TUBD1: variants seen among roughly 807,000 people sequenced by gnomAD.
The protein encoded by TUBD1 is tubulin delta chain.
A neutral mutation model predicts 51.2 loss-of-function variants in TUBD1; 38 were observed. The observed-to-expected ratio is 0.74, with a 90% CI of 0.57 to 0.97. The LOEUF (loss-of-function observed/expected upper bound fraction) is 0.97. Ranked by LOEUF, TUBD1 falls within the 50% of genes least tolerant of loss-of-function variation. The pLI is 0.00. For synonymous variants in TUBD1, 169 were observed against 178.2 expected (o/e 0.95, Z 0.41); for missense variants, 489 against 538.4 (o/e 0.91, Z 0.91).
chr17:59,873,300 A>C (rs1421074792), intron 6 of TUBD1, among the ~76,000 whole-genome samples: 1 of 151,668 alleles, frequency 6.6e-6, no homozygotes, highest in African/African-American at 2.4e-5. Flanking sequence ...CCCAGGCTGA[A>C]GTGCAGTTGT....
At chr17:59,872,342 G>A (rs922467745) in intron 6 of TUBD1, among the ~76,000 whole-genome samples, 21 of 152,034 alleles carry the variant, frequency 1.4e-4, no homozygotes, top group Non-Finnish European at 2.2e-4. Context: ...CGATCCTCCT[G>A]CCTTAGCCTC....
chr17:59,882,838 G>GC (rs1289845556), intron 3 of TUBD1, among the ~76,000 whole-genome samples: 1 of 151,666 alleles, frequency 6.6e-6, no homozygotes, highest in Admixed American at 6.6e-5. Flanking sequence ...AGGCTGGAGT[G>GC]CTGTGGCATG....
At chr17:59,860,670 T>C (rs1462932025) in intron 8 of TUBD1, among the ~76,000 whole-genome samples, 2 of 151,556 alleles carry the variant, frequency 1.3e-5, no homozygotes, top group Admixed American at 6.6e-5. Context: ...CACTGCAACC[T>C]CCACCTCCCA....
chr17:59,876,975 C>T (rs755694223), intron 5 of TUBD1, among the ~76,000 whole-genome samples: 5 of 151,778 alleles, frequency 3.3e-5, no homozygotes, highest in Non-Finnish European at 7.4e-5. Context: ...AATTCTCCTG[C>T]CTGTCTTCTG....
In TUBD1 at chr17:59,860,209, T is replaced by C; in HGVS notation, c.*113A>G. The C allele has an allele frequency of 1.3e-6, 1 of 756,004 alleles. No individual in the cohort carries two copies. The highest frequency in any genetic ancestry group is 2.1e-6 in the Non-Finnish European group (1 of 471,494). 46.8% of individuals were successfully genotyped at this position (756,004 alleles called of 1,614,324 possible). A position where few individuals can be genotyped will look rare whatever the true frequency, so the allele number is the denominator to read the frequency against. Reference sequence around the variant, plus strand: ...TTTTTGTATTTTCTGGTAGAGACGGTGTTTCACCGTGTTAGCCAGGATGGA... The same window carrying C: ...TTTTTGTATTTTCTGGTAGAGACGGCGTTTCACCGTGTTAGCCAGGATGGA... On this transcript the variant is annotated 3_prime_UTR_variant, in exon 9 of 9. Transcript: ENST00000325752.
intron 3 of TUBD1, chr17:59,885,680 A>T (rs925464959): frequency 3.3e-6 from 2 of 613,638 alleles, no homozygotes; most frequent in East Asian, 5.9e-5. Flanking sequence ...CAAAACAAAA[A>T]TCAGAATCTC....
At chr17:59,892,141 C>T (rs1193622069) in intron 1 of TUBD1, among the ~76,000 whole-genome samples, 1 of 152,234 alleles carries the variant, frequency 6.6e-6, no homozygotes, top group Non-Finnish European at 1.5e-5. Context: ...ATAGCTTACG[C>T]TTTCTCCACT....
intron 3 of TUBD1, among the ~76,000 whole-genome samples, chr17:59,884,209 C>G (rs910472786): frequency 7.0e-6 from 1 of 143,684 alleles, no homozygotes; most frequent in African/African-American, 2.6e-5. Flanking sequence ...TGCAGTGAGC[C>G]GAAATTGCAC....
intron 6 of TUBD1, among the ~76,000 whole-genome samples, chr17:59,870,404 A>AAAAT (rs2039928721): frequency 7.5e-6 from 1 of 132,712 alleles, no homozygotes; most frequent in Non-Finnish European, 1.6e-5. Context: ...AAAAAAAAAA[A>AAAAT]AAATCAAAGT....
At chr17:59,870,630 G>A (rs1025108911) in intron 6 of TUBD1, among the ~76,000 whole-genome samples, 1 of 151,684 alleles carries the variant, frequency 6.6e-6, no homozygotes, top group Non-Finnish European at 1.5e-5. Flanking sequence ...TCGCAGGAAA[G>A]TGTAACAGTC....
chr17:59,872,693 AATGT>A (rs1335741730), intron 6 of TUBD1, among the ~76,000 whole-genome samples: 274 of 97,974 alleles, frequency 2.8e-3, no homozygotes, highest in African/African-American at 0.011. Flanking sequence ...TGAAAATGGG[AATGT>A]GTGTGTGTGT....
At position 59,878,221 on chromosome 17, in the gene TUBD1, C is replaced by T; in HGVS notation, c.651G>A (p.Met217Ile). 13 of 1,614,048 alleles carry T rather than the reference C, an allele frequency of 8.1e-6. No individual in the cohort carries two copies. The highest frequency in any genetic ancestry group is 9.3e-6 in the Non-Finnish European group (11 of 1,180,006). ...DAIHKICAKL[M>I]NIKQISFSDI... ...CACTAAAGGAGATCTGCTTGATATTCATCAGTTTTGCACAGATCTTATGGA... is the reference window on the plus strand; with the variant it reads ...CACTAAAGGAGATCTGCTTGATATTTATCAGTTTTGCACAGATCTTATGGA... Residue 217 changes from methionine to isoleucine, a missense_variant, in exon 5 of 9, where the codon ATG becomes ATA. Transcript: ENST00000325752.
chr17:59,876,183 CTTT>C (rs58236573), intron 5 of TUBD1, among the ~76,000 whole-genome samples: 17 of 149,344 alleles, frequency 1.1e-4, no homozygotes, highest in Admixed American at 3.4e-4. Context: ...GGCATGAATT[CTTT>C]TTTTTTTCTT....
intron 6 of TUBD1, among the ~76,000 whole-genome samples, chr17:59,873,033 G>GA (rs1249999230): frequency 6.6e-6 from 1 of 151,976 alleles, no homozygotes; most frequent in African/African-American, 2.4e-5. Flanking sequence ...AAAGTGCTGG[G>GA]ATTACAGGCG....
intron 6 of TUBD1, among the ~76,000 whole-genome samples, chr17:59,873,257 GT>G (rs373205709): frequency 2.0e-5 from 3 of 147,042 alleles, no homozygotes; most frequent in African/African-American, 2.5e-5. Flanking sequence ...TTTTGTTGTT[GT>G]TTTTTTTTTG....
At chr17:59,868,038 G>A (rs1373431535) in intron 6 of TUBD1, among the ~76,000 whole-genome samples, 38 of 147,446 alleles carry the variant, frequency 2.6e-4, no homozygotes, top group Admixed American at 2.2e-3. Flanking sequence ...TGAGGCAGGC[G>A]GATCACTTGA....
intron 1 of TUBD1, among the ~76,000 whole-genome samples, chr17:59,891,530 C>G (rs1027354460): frequency 1.3e-5 from 2 of 152,138 alleles, no homozygotes; most frequent in African/African-American, 2.4e-5. Context: ...AGTTCTCATA[C>G]TCTCTACATG....
At chr17:59,861,009 T>C (rs757119446) in intron 8 of TUBD1, among the ~76,000 whole-genome samples, 1 of 152,004 alleles carries the variant, frequency 6.6e-6, no homozygotes, top group South Asian at 2.1e-4. Context: ...TATATATATA[T>C]ACATATATAA....
Position 59,890,878 on chromosome 17 carries a change from T to C in TUBD1, c.125A>G (p.Tyr42Cys). ...GAATCTTTCTTTGCAAGATGCTTGA[T>C]ATGCCTCATTCTCTCTCATAGAGCA... Reference protein sequence around the residue: ...GLCSMRENEAYQASCKERFFS... With the variant: ...GLCSMRENEACQASCKERFFS... The change falls in exon 2 of 9, where the codon TAT becomes TGT. Residue 42 changes from tyrosine (Y) to cysteine (C), a missense_variant. Transcript: ENST00000325752. The C allele has an allele frequency of 6.2e-7, 1 of 1,613,540 alleles. No homozygotes were observed. The highest frequency in any genetic ancestry group is 8.5e-7 in the Non-Finnish European group (1 of 1,179,860).
Sources: allele counts gnomAD v4.1 joint callset (sites outside exome capture counted in the v4.1 genomes callset), GRCh38; gene constraint gnomAD v4.1.1; transcripts MANE v1.5; gene names NCBI Gene and HGNC (gene_info 2026-07-23, HGNC 2026-07-21).